NOVA1: variants seen among roughly 807,000 people sequenced by gnomAD.
The protein encoded by NOVA1 is NOVA alternative splicing regulator 1, also known as RNA-binding protein Nova-1.
A neutral mutation model predicts 38.0 loss-of-function variants in NOVA1; 7 were observed. The ratio of observed to expected loss-of-function variants is 0.18; its 90% CI spans 0.10 to 0.35. NOVA1 has a LOEUF of 0.35. NOVA1 is among the 10% of genes least tolerant of loss of function. The probability of loss-of-function intolerance (pLI) is 1.00; values close to 1 mark genes in which losing one functional copy is unlikely to be tolerated. For missense variants in NOVA1, 460 were observed against 616.0 expected (o/e 0.75, Z 2.68); for synonymous variants, 270 against 232.5 (o/e 1.16, Z -1.47).
intron 2 of NOVA1, among the ~76,000 whole-genome samples, chr14:26,594,989 T>G (rs919846161): frequency 6.6e-6 from 1 of 152,106 alleles, no homozygotes; most frequent in Non-Finnish European, 1.5e-5. Flanking sequence ...CATAATGGAT[T>G]CAGAAGTAAA....
rs536740862 is a variant in NOVA1 at position 26,492,756 on chromosome 14, C to G, written c.281-12613G>C. On this transcript the variant is annotated intron_variant, in intron 2 of 4. Coordinates refer to ENST00000539517, the MANE Select transcript of NOVA1 (RefSeq NM_002515.3). ...CCGAGGTAGGCGGATCACTTGAAGTCAGGAGTTCAAGACCAGCCTGGCCAA... is the reference window on the plus strand; with the variant it reads ...CCGAGGTAGGCGGATCACTTGAAGTGAGGAGTTCAAGACCAGCCTGGCCAA... 2.0e-5 allele frequency among the ~76,000 whole-genome samples: 3 copies of G among 151,964 alleles called. No individual in the cohort carries two copies. The East Asian group carries it at 5.8e-4, about 29-fold the overall frequency.
At chr14:26,585,227 T>C (rs1047635625) in intron 2 of NOVA1, among the ~76,000 whole-genome samples, 2 of 151,318 alleles carry the variant, frequency 1.3e-5, no homozygotes, top group Non-Finnish European at 3.0e-5. Flanking sequence ...ATGTAAAGAC[T>C]CCGAAATATC....
At chr14:26,588,023 T>G (rs1021803044) in intron 2 of NOVA1, among the ~76,000 whole-genome samples, 1 of 151,098 alleles carries the variant, frequency 6.6e-6, no homozygotes, top group African/African-American at 2.4e-5. Flanking sequence ...CTAGAAGAAA[T>G]GCAGGATTTG....
At chr14:26,492,492 T>C (rs1031102290) in intron 2 of NOVA1, among the ~76,000 whole-genome samples, 2 of 152,192 alleles carry the variant, frequency 1.3e-5, no homozygotes, top group African/African-American at 4.8e-5. Flanking sequence ...GCTGCGGCTT[T>C]TCCATAAATT....
chr14:26,462,131 G>A (rs1883733796), intron 4 of NOVA1, among the ~76,000 whole-genome samples: 1 of 151,836 alleles, frequency 6.6e-6, no homozygotes, highest in African/African-American at 2.4e-5. Flanking sequence ...GTCTACAGCA[G>A]TATACAATAA....
intron 2 of NOVA1, among the ~76,000 whole-genome samples, chr14:26,579,133 C>T (rs1594572571): frequency 7.3e-6 from 1 of 137,388 alleles, no homozygotes; most frequent in Admixed American, 7.9e-5. Flanking sequence ...TCTTGGCTCA[C>T]TGGAACCTCC....
chr14:26,545,291 T>A (rs1457449032), intron 2 of NOVA1, among the ~76,000 whole-genome samples: 2 of 152,002 alleles, frequency 1.3e-5, no homozygotes, highest in East Asian at 3.9e-4. Context: ...ACAGAAGACA[T>A]CTTAGTGAAG....
intron 4 of NOVA1, among the ~76,000 whole-genome samples, chr14:26,463,133 AATTT>A (rs2138212922): frequency 6.6e-6 from 1 of 152,232 alleles, no homozygotes. Context: ...GCAATATCAG[AATTT>A]ATTTAATCAC....
At chr14:26,584,678 T>G (rs1048766537) in intron 2 of NOVA1, among the ~76,000 whole-genome samples, 5 of 151,390 alleles carry the variant, frequency 3.3e-5, no homozygotes, top group African/African-American at 1.2e-4. Context: ...TTTGCACATC[T>G]TTATGTCTAT....
In NOVA1 at chr14:26,534,138, C is replaced by T. The variant is rs556461227; in HGVS notation, c.281-53995G>A. 2.6e-5 allele frequency among the ~76,000 whole-genome samples: 4 copies of T among 152,218 alleles called. No homozygotes were observed. The South Asian group carries it at 8.3e-4, about 32-fold the overall frequency. On this transcript the variant is annotated intron_variant, in intron 2 of 4. Transcript: ENST00000539517. Reference sequence around the variant, plus strand: ...AAAGTCACACACAAACTCAGCCATACACAAATGTATGAATGAAGACGTTAA... The same window carrying T: ...AAAGTCACACACAAACTCAGCCATATACAAATGTATGAATGAAGACGTTAA...
intron 2 of NOVA1, among the ~76,000 whole-genome samples, chr14:26,535,072 G>T (rs1889971532): frequency 6.6e-6 from 1 of 152,076 alleles, no homozygotes; most frequent in African/African-American, 2.4e-5. Flanking sequence ...GTGATCACAG[G>T]AAACTAATAG....
At chr14:26,516,650 C>G (rs909466576) in intron 2 of NOVA1, among the ~76,000 whole-genome samples, 6 of 152,142 alleles carry the variant, frequency 3.9e-5, no homozygotes, top group Admixed American at 6.6e-5. Context: ...AACATTTGGC[C>G]TAAAGGAACT....
chr14:26,560,551 G>C (rs1372371170), intron 2 of NOVA1, among the ~76,000 whole-genome samples: 1 of 152,048 alleles, frequency 6.6e-6, no homozygotes, highest in Non-Finnish European at 1.5e-5. Flanking sequence ...TACTATAATA[G>C]AATCTATCAG....
intron 2 of NOVA1, among the ~76,000 whole-genome samples, chr14:26,508,481 G>A (rs178186): frequency 0.92 from 140,241 of 151,850 alleles, 65,591 homozygotes; most frequent in East Asian, 1. Flanking sequence ...ATTTTATGTA[G>A]GAATAGAACA....
chr14:26,530,264 T>G (rs1464233502), intron 2 of NOVA1, among the ~76,000 whole-genome samples: 2 of 152,186 alleles, frequency 1.3e-5, no homozygotes, highest in East Asian at 3.9e-4. Context: ...TCAGTTAGGC[T>G]TGGCCTCGCA....
chr14:26,597,734 G>A lies in NOVA1; in HGVS notation c.-298C>T, dbSNP rs920323661. The stretch of plus-strand genomic sequence containing the variant: ...AGAAGAAGAAGAAAGGAGACAGGGG[G>A]AGAGAGTGGAGAAGGGAGAGGGGCG... On this transcript the variant is annotated 5_prime_UTR_variant, in exon 1 of 5. Coordinates refer to ENST00000539517, the MANE Select transcript of NOVA1 (RefSeq NM_002515.3). The A allele has an allele frequency of 8.5e-6, 9 of 1,058,884 alleles. No homozygotes were observed. In the African/African-American group the frequency reaches 1.5e-4, roughly 18 times the overall value. The allele number at this position is 1,058,884 out of a possible 1,614,324, so 65.6% of individuals were successfully genotyped here. A position where few individuals can be genotyped will look rare whatever the true frequency, so the allele number is the denominator to read the frequency against.
At chr14:26,459,206 T>C (rs907896552) in intron 4 of NOVA1, among the ~76,000 whole-genome samples, 5 of 152,158 alleles carry the variant, frequency 3.3e-5, no homozygotes, top group African/African-American at 9.6e-5. Context: ...TATTACATGT[T>C]ATACACGTAT....
chr14:26,577,897 T>C (rs567725160), intron 2 of NOVA1, among the ~76,000 whole-genome samples: 13 of 151,976 alleles, frequency 8.6e-5, no homozygotes, highest in African/African-American at 2.7e-4. Flanking sequence ...ACACAAACAT[T>C]TGGTAGTCAT....
chr14:26,567,035 A>AAAT (rs1352873987), intron 2 of NOVA1, among the ~76,000 whole-genome samples: 1 of 152,096 alleles, frequency 6.6e-6, no homozygotes, highest in Non-Finnish European at 1.5e-5. Context: ...AAAATGGAAG[A>AAAT]AATAACTTTC....
Sources: gnomAD v4.1 joint callset for allele counts (sites outside exome capture counted in the v4.1 genomes callset) on GRCh38, gnomAD v4.1.1 for gene constraint, MANE v1.5 for transcripts, NCBI Gene and HGNC (gene_info 2026-07-23, HGNC 2026-07-21) for gene names.